Variants in NME8 observed in about 807,000 individuals in gnomAD.
The protein encoded by NME8 is NME/NM23 family member 8.
A neutral mutation model predicts 82.3 loss-of-function variants in NME8; 72 were observed. The observed-to-expected ratio is 0.87, with a 90% CI of 0.72 to 1.06. NME8 has a LOEUF of 1.06. NME8 is among the 50% of genes least tolerant of loss of function. NME8 has a pLI of 0.00. For synonymous variants in NME8, 267 were observed against 228.5 expected, an observed-to-expected ratio of 1.17 and a Z score of -1.52; for missense variants, 712 against 685.4, an observed-to-expected ratio of 1.04 and a Z score of -0.43.
chr7:37,894,370 A>G, intron 15 of NME8, 96 bp from the exon 16 acceptor site: 1 of 1,328,308 alleles, frequency 7.5e-7, no homozygotes, highest in Non-Finnish European at 1.1e-6. Context: ...ACAATATGCA[A>G]ATTAAACTAT....
At position 37,862,135 on chromosome 7, in the gene NME8, T is replaced by C; in HGVS notation, c.378T>C (p.Ala126=). 6.2e-7 allele frequency: 1 copy of C among 1,604,458 alleles called. No homozygotes were observed. The highest frequency in any genetic ancestry group is 1.1e-5 in the South Asian group (1 of 90,936). Residue 126 remains alanine (A), a synonymous_variant, in exon 7 of 18, where the codon GCT becomes GCC. Transcript: ENST00000199447. ...GAAAAATTGCAGCAGGTGAAATGGC[T>C]CGACCTCAGGTAATACTTTGGATTA... ...EERKIAAGEM[A]RPQYPEIPLV... is the part of the protein sequence containing the mutation.
chr7:37,873,134 C>T (rs1462564999), intron 11 of NME8, among the ~76,000 whole-genome samples: 2 of 151,970 alleles, frequency 1.3e-5, no homozygotes, highest in African/African-American at 2.4e-5. Flanking sequence ...TGCCTGTAAT[C>T]CCAGCATTTG....
At chr7:37,876,560 A>T (rs1312814505) in intron 11 of NME8, among the ~76,000 whole-genome samples, 3 of 152,096 alleles carry the variant, frequency 2.0e-5, no homozygotes, top group African/African-American at 7.2e-5. Flanking sequence ...TTCCTTAAAA[A>T]CACAAAATTT....
chr7:37,893,091 A>G (rs1230866557), intron 15 of NME8, among the ~76,000 whole-genome samples: 1 of 152,072 alleles, frequency 6.6e-6, no homozygotes, highest in Non-Finnish European at 1.5e-5. Context: ...TAGTTTCTTA[A>G]TAGGTAGGGC....
intron 15 of NME8, among the ~76,000 whole-genome samples, chr7:37,893,250 C>A (rs1336948020): frequency 6.6e-6 from 1 of 152,070 alleles, no homozygotes; most frequent in African/African-American, 2.4e-5. Flanking sequence ...ATTGATTTTC[C>A]AAAAACTGCA....
chr7:37,855,311 T>C (rs114803853), intron 5 of NME8, among the ~76,000 whole-genome samples: 2,950 of 152,302 alleles, frequency 0.019, 99 homozygotes, highest in African/African-American at 0.067. Flanking sequence ...CCAGGATTTC[T>C]TGTACAACTG....
rs1382285252 is a variant in NME8, at chr7:37,884,317, A to G, written c.1009A>G (p.Ile337Val). Residue 337 changes from isoleucine to valine, a missense_variant, in exon 13 of 18, where the codon ATT becomes GTT. Coordinates refer to ENST00000199447, the MANE Select transcript of NME8 (RefSeq NM_016616.5). Reference protein sequence around the residue: ...FHERKDDVLRIIKDEDFKILE... With the variant: ...FHERKDDVLRVIKDEDFKILE... ...TTTTTATTTAGATGATGTTTTGCGT[A>G]TTATTAAAGATGAAGACTTCAAAAT... is the stretch of plus-strand genomic sequence containing the variant. 6.3e-7 allele frequency: 1 copy of G among 1,586,520 alleles called. No individual in the cohort carries two copies. The highest frequency in any genetic ancestry group is 8.7e-7 in the Non-Finnish European group (1 of 1,154,982).
chr7:37,864,320 T>C, intron 8 of NME8, 28 bp from the exon 9 acceptor site: 1 of 1,582,664 alleles, frequency 6.3e-7, no homozygotes, highest in East Asian at 2.3e-5. Context: ...GAAAATGAAA[T>C]TCTGTCTTTT....
At chr7:37,886,105 C>A (rs1356727415) in intron 14 of NME8, among the ~76,000 whole-genome samples, 1 of 152,194 alleles carries the variant, frequency 6.6e-6, no homozygotes, top group African/African-American at 2.4e-5. Flanking sequence ...GTTGCATTAA[C>A]ATGTATTGCC....
intron 11 of NME8, among the ~76,000 whole-genome samples, chr7:37,868,599 A>G (rs946137008): frequency 1.3e-5 from 2 of 152,068 alleles, no homozygotes; most frequent in African/African-American, 4.8e-5. Context: ...CAAGAACACT[A>G]GAAAGGGAGG....
chr7:37,895,183 A>G (rs982986897), intron 16 of NME8, among the ~76,000 whole-genome samples: 5 of 152,180 alleles, frequency 3.3e-5, no homozygotes, highest in Non-Finnish European at 7.4e-5. Flanking sequence ...ACCTTGTCAA[A>G]CTATGTATAC....
intron 6 of NME8, among the ~76,000 whole-genome samples, chr7:37,861,232 G>T (rs1018452205): frequency 2.0e-5 from 3 of 152,180 alleles, no homozygotes; most frequent in Non-Finnish European, 4.4e-5. Context: ...GGCTTCTCCT[G>T]GTTGCTGGGC....
intron 13 of NME8, among the ~76,000 whole-genome samples, chr7:37,884,791 G>A (rs1372649632): frequency 2.6e-5 from 4 of 152,200 alleles, no homozygotes; most frequent in Non-Finnish European, 5.9e-5. Flanking sequence ...CTAGTTCTAG[G>A]AAAGAATGAG....
At chr7:37,880,258 T>C (rs1434354590) in intron 12 of NME8, among the ~76,000 whole-genome samples, 1 of 152,200 alleles carries the variant, frequency 6.6e-6, no homozygotes, top group Non-Finnish European at 1.5e-5. Context: ...GTGTTGTATC[T>C]AAAAACTCAT....
At chr7:37,896,188 G>T (rs1450860) in intron 16 of NME8, among the ~76,000 whole-genome samples, 141,921 of 152,278 alleles carry the variant, frequency 0.93, 66,442 homozygotes, top group Non-Finnish European at 0.97. Flanking sequence ...ATGTGCTATT[G>T]AGATATAAAT....
intron 15 of NME8, 37 bp downstream of exon 15, chr7:37,888,465 T>G (rs781478397): frequency 1.3e-6 from 2 of 1,576,154 alleles, no homozygotes; most frequent in Non-Finnish European, 1.7e-6. Context: ...GTATACATTT[T>G]CTCCAAATTT....
At chr7:37,889,452 C>A (rs2598009) in intron 15 of NME8, among the ~76,000 whole-genome samples, 70,574 of 150,830 alleles carry the variant, frequency 0.47, 16,919 homozygotes, top group East Asian at 0.74. Context: ...TATTTATTTT[C>A]AACTTTTAAT....
chr7:37,862,043 G>T lies in NME8; in HGVS notation c.286G>T (p.Glu96Ter). 6.2e-7 allele frequency: 1 copy of T among 1,613,046 alleles called. No individual in the cohort carries two copies. Among genetic ancestry groups the T allele is most frequent in the South Asian group, 1.1e-5 (1 of 91,048 alleles). Residue 96 changes from glutamate (E) to a stop codon, truncating the protein, a stop_gained, in exon 7 of 18, where the codon GAA becomes TAA. Coordinates refer to ENST00000199447, the MANE Select transcript of NME8 (RefSeq NM_016616.5). LOFTEE classifies it high-confidence loss of function. ...TCCCTTATAGAATGGCAAAATTATCGAAAAGATTCAGGGTGCAAATGCACC... is the reference window on the plus strand; with the variant it reads ...TCCCTTATAGAATGGCAAAATTATCTAAAAGATTCAGGGTGCAAATGCACC... The part of the protein sequence containing the change: ...FLFSVNGKII[E>*]KIQGANAPLV...
chr7:37,863,500 T>G (rs79467686), intron 8 of NME8, 38 bp downstream of exon 8: 2 of 1,204,658 alleles, frequency 1.7e-6, no homozygotes, highest in South Asian at 2.4e-5. Flanking sequence ...AAGGGTTTTC[T>G]GTACGTGGGC....
Sources: allele counts gnomAD v4.1 joint callset (sites outside exome capture counted in the v4.1 genomes callset), GRCh38; gene constraint gnomAD v4.1.1; transcripts MANE v1.5; gene names NCBI Gene and HGNC (gene_info 2026-07-23, HGNC 2026-07-21).